Variants in KIZ observed in about 807,000 individuals in gnomAD.
The protein encoded by KIZ is centrosomal protein kizuna.
Under a neutral mutation model 79.6 loss-of-function variants are expected in KIZ, and 68 were observed. The observed-to-expected ratio is 0.85, with a 90% CI of 0.70 to 1.05. KIZ has a LOEUF of 1.05. Among genes scored for constraint, KIZ ranks in the 50% least tolerant of loss-of-function variants. KIZ has a pLI of 0.00. For missense variants in KIZ, 797 were observed against 800.4 expected (o/e 1.00, Z 0.05); for synonymous variants, 280 against 281.8 (o/e 0.99, Z 0.06).
intron 6 of KIZ, among the ~76,000 whole-genome samples, chr20:21,174,007 G>C (rs1295169465): frequency 6.6e-6 from 1 of 152,204 alleles, no homozygotes; most frequent in East Asian, 1.9e-4. Flanking sequence ...CAGCAAAGGA[G>C]TCTCAGAAGA....
intron 6 of KIZ, among the ~76,000 whole-genome samples, chr20:21,201,585 T>A (rs2035600483): frequency 6.6e-6 from 1 of 152,258 alleles, no homozygotes; most frequent in Non-Finnish European, 1.5e-5. Context: ...CATTTAAAGT[T>A]AGGAAATACG....
chr20:21,147,577 C>T (rs1444279269), intron 4 of KIZ, among the ~76,000 whole-genome samples: 1 of 152,176 alleles, frequency 6.6e-6, no homozygotes, highest in Non-Finnish European at 1.5e-5. Flanking sequence ...TTTCCTGAAG[C>T]ATAGTACAGT....
chr20:21,196,105 A>T (rs1164282301), intron 6 of KIZ: 1 of 152,232 alleles, frequency 6.6e-6, no homozygotes, highest in African/African-American at 2.4e-5. Flanking sequence ...CTTTCGAGAA[A>T]CCAGCAATGG....
At chr20:21,234,889 C>T (rs755718190) in intron 11 of KIZ, among the ~76,000 whole-genome samples, 27 of 151,728 alleles carry the variant, frequency 1.8e-4, no homozygotes, top group Non-Finnish European at 7.4e-5. Context: ...GCGGCTTGGG[C>T]GCAAAAATGC....
intron 6 of KIZ, chr20:21,197,655 C>T (rs1206504743): frequency 6.6e-6 from 1 of 152,188 alleles, no homozygotes; most frequent in Non-Finnish European, 1.5e-5. Context: ...GCCGCATACA[C>T]GCAAACAAGT....
At chr20:21,170,828 A>C in intron 6 of KIZ, among the ~76,000 whole-genome samples, 1 of 152,164 alleles carries the variant, frequency 6.6e-6, no homozygotes, top group East Asian at 1.9e-4. Context: ...CCATGAGTTC[A>C]ATTGTTTTAA....
chr20:21,155,637 T>TA (rs1429114057), intron 4 of KIZ, among the ~76,000 whole-genome samples: 25 of 152,226 alleles, frequency 1.6e-4, no homozygotes, highest in Non-Finnish European at 5.9e-5. Flanking sequence ...GCGAATATAC[T>TA]AAAAACCCAC....
chr20:21,212,075 A>G (rs1231137896), intron 7 of KIZ, among the ~76,000 whole-genome samples: 1 of 152,168 alleles, frequency 6.6e-6, no homozygotes, highest in Non-Finnish European at 1.5e-5. Flanking sequence ...GGCAAGAGAG[A>G]GAGACTCTGT....
intron 6 of KIZ, among the ~76,000 whole-genome samples, chr20:21,174,169 T>C (rs1026979142): frequency 6.6e-6 from 1 of 152,226 alleles, no homozygotes; most frequent in Admixed American, 6.5e-5. Flanking sequence ...CCAGAATGCA[T>C]GCTCTTAATT....
intron 6 of KIZ, among the ~76,000 whole-genome samples, chr20:21,163,981 A>G (rs2033814569): frequency 1.3e-5 from 2 of 152,086 alleles, no homozygotes; most frequent in Non-Finnish European, 2.9e-5. Context: ...ACCTTTTACA[A>G]ATGAGGAAAC....
intron 7 of KIZ, chr20:21,213,438 T>A (rs2036156288): frequency 6.6e-6 from 1 of 152,254 alleles, no homozygotes; most frequent in African/African-American, 2.4e-5. Flanking sequence ...TGTGAACATT[T>A]GTCCACTTCT....
At chr20:21,217,412 T>A (rs1199434851) in intron 9 of KIZ, among the ~76,000 whole-genome samples, 1 of 152,226 alleles carries the variant, frequency 6.6e-6, no homozygotes, top group African/African-American at 2.4e-5. Context: ...AGCAAGTATG[T>A]AGTTTAATTT....
At position 21,170,551 on chromosome 20, in the gene KIZ, G is replaced by A. The variant is rs528205493; in HGVS notation, c.1352+7392G>A. On this transcript the variant is annotated intron_variant, in intron 6 of 12. Coordinates refer to ENST00000619189, the MANE Select transcript of KIZ (RefSeq NM_018474.6). ...CTACAGGCACACGCCACCATGCCTG[G>A]CTAATTTTTTGTATTTTTAGTAGAG... is the stretch of plus-strand genomic sequence containing the variant. Among the ~76,000 whole-genome samples, 265 of 152,048 alleles carry A rather than the reference G, an allele frequency of 1.7e-3. 1 individual carries two copies. Among genetic ancestry groups the A allele is most frequent in the African/African-American group, 6.1e-3 (252 of 41,490 alleles).
At position 21,129,225 on chromosome 20, in the gene KIZ, G is replaced by A. The variant is rs1027502431; in HGVS notation, c.90-2872G>A. ...AAGAAGAGTTAACAAGATTACCACC[G>A]TTTTGCCTGGGAGAGAAAGCCAAGA... On this transcript the variant is annotated intron_variant, in intron 1 of 12. Transcript: ENST00000619189. Among the ~76,000 whole-genome samples, 4 of 152,288 alleles carry A rather than the reference G, an allele frequency of 2.6e-5. No individual in the cohort carries two copies. In the East Asian group the frequency reaches 5.8e-4, roughly 22 times the overall value.
chr20:21,182,644 A>G (rs892327062), intron 6 of KIZ, among the ~76,000 whole-genome samples: 5 of 151,898 alleles, frequency 3.3e-5, no homozygotes, highest in Admixed American at 6.6e-5. Flanking sequence ...AAAAATACCA[A>G]TAATTAGCTG....
At chr20:21,151,373 C>T (rs896537162) in intron 4 of KIZ, 2 of 152,126 alleles carry the variant, frequency 1.3e-5, no homozygotes, top group Admixed American at 1.3e-4. Context: ...TTCCTTTGCT[C>T]TTCTCTGTGG....
At chr20:21,218,726 C>T (rs554758134) in intron 9 of KIZ, 1 of 152,370 alleles carries the variant, frequency 6.6e-6, no homozygotes, top group Admixed American at 6.5e-5. Context: ...ACTTTTAAAG[C>T]AGTGAGTCCA....
At chr20:21,185,649 G>C (rs1380789092) in intron 6 of KIZ, among the ~76,000 whole-genome samples, 1 of 150,968 alleles carries the variant, frequency 6.6e-6, no homozygotes, top group Non-Finnish European at 1.5e-5. Context: ...GGCCTCAAGT[G>C]ATCCACCCAC....
At chr20:21,136,847 C>G (rs761364039) in intron 3 of KIZ, among the ~76,000 whole-genome samples, 12 of 152,082 alleles carry the variant, frequency 7.9e-5, no homozygotes, top group Non-Finnish European at 1.6e-4. Context: ...CAGTGGTAGT[C>G]ACTAATGTTT....
Sources: allele counts gnomAD v4.1 joint callset (sites outside exome capture counted in the v4.1 genomes callset), GRCh38; gene constraint gnomAD v4.1.1; transcripts MANE v1.5; gene names NCBI Gene and HGNC (gene_info 2026-07-23, HGNC 2026-07-21).